FAM83B: variants seen among roughly 807,000 people sequenced by gnomAD.
The protein encoded by FAM83B is protein FAM83B.
In FAM83B, 26 loss-of-function variants were observed where a neutral mutation model predicts 38.8. The ratio of observed to expected loss-of-function variants is 0.67; its 90% CI spans 0.49 to 0.93. The LOEUF (loss-of-function observed/expected upper bound fraction) is 0.93. FAM83B is among the 40% of genes least tolerant of loss of function. FAM83B has a pLI of 0.00. For synonymous variants in FAM83B, 419 were observed against 423.1 expected, an observed-to-expected ratio of 0.99 and a Z score of 0.12; for missense variants, 1,237 against 1,197.3, an observed-to-expected ratio of 1.03 and a Z score of -0.49.
chr6:54,939,589 T>G (rs1224202202), intron 4 of FAM83B, 117 bp from the exon 5 acceptor site: 1 of 942,928 alleles, frequency 1.1e-6, no homozygotes, highest in Non-Finnish European at 1.5e-6. Flanking sequence ...ATATTCTAAA[T>G]AATGATAGCC....
At chr6:54,862,111 G>T (rs111542911) in intron 1 of FAM83B, among the ~76,000 whole-genome samples, 6 of 152,156 alleles carry the variant, frequency 3.9e-5, no homozygotes, top group Admixed American at 3.9e-4. Flanking sequence ...TATTCCAGCC[G>T]TTGTACTCAG....
chr6:54,929,971 G>A (rs543219888), intron 4 of FAM83B, among the ~76,000 whole-genome samples: 3 of 152,104 alleles, frequency 2.0e-5, no homozygotes, highest in African/African-American at 4.8e-5. Context: ...AATTCTTTTA[G>A]TTGGTTCTTC....
rs373963057 is a variant in FAM83B, at chr6:54,940,160, G to C, written c.1189G>C (p.Val397Leu). 1.2e-6 allele frequency: 2 copies of C among 1,614,018 alleles called. No individual in the cohort carries two copies. The highest frequency in any genetic ancestry group is 1.7e-5 in the Admixed American group (1 of 59,968). Residue 397 changes from valine (V) to leucine (L), a missense_variant, in exon 5 of 5, where the codon GTG (valine) becomes CTG (leucine). By Grantham distance (32) the Val-to-Leu change is conservative (BLOSUM62 1). Transcript: ENST00000306858. ...HSYAGEQPET[V>L]PYLLLNRALN... Reference sequence around the variant, plus strand: ...TTATGCTGGGGAACAGCCAGAAACAGTGCCATACCTCCTGCTTAATAGGGC... The same window carrying C: ...TTATGCTGGGGAACAGCCAGAAACACTGCCATACCTCCTGCTTAATAGGGC...
At chr6:54,907,823 A>G (rs977472124) in intron 2 of FAM83B, among the ~76,000 whole-genome samples, 5 of 152,124 alleles carry the variant, frequency 3.3e-5, no homozygotes, top group South Asian at 4.1e-4. Context: ...TCTAAAGCTA[A>G]TACATTTTTT....
At chr6:54,908,355 T>G (rs1448082632) in intron 2 of FAM83B, among the ~76,000 whole-genome samples, 1 of 152,076 alleles carries the variant, frequency 6.6e-6, no homozygotes, top group Non-Finnish European at 1.5e-5. Flanking sequence ...TAGATAGGGT[T>G]CTTTCATTTT....
rs192410779 is a variant in FAM83B at position 54,876,173 on chromosome 6, A to T, written c.444+5483A>T. On this transcript the variant is annotated intron_variant, in intron 2 of 4. Transcript: ENST00000306858. The stretch of plus-strand genomic sequence containing the variant: ...TTAAAAAGAAAAAATACAGTTACTT[A>T]TGGGTGTCAGTAAGTTTATCAGAGT... Among the ~76,000 whole-genome samples the T allele has an allele frequency of 4.0e-5, 6 of 151,674 alleles. No homozygotes were observed. In the South Asian group the frequency reaches 1.0e-3, roughly 26 times the overall value.
chr6:54,874,805 T>C (rs1414049943), intron 2 of FAM83B, among the ~76,000 whole-genome samples: 2 of 152,168 alleles, frequency 1.3e-5, no homozygotes, highest in Non-Finnish European at 2.9e-5. Flanking sequence ...AAAAGTCTAG[T>C]GAGAATTAGG....
chr6:54,893,793 C>T (rs926341830), intron 2 of FAM83B, among the ~76,000 whole-genome samples: 6 of 152,058 alleles, frequency 3.9e-5, no homozygotes, highest in Non-Finnish European at 5.9e-5. Flanking sequence ...CAAGGAGTTT[C>T]CTTTGATAAT....
At chr6:54,939,631 G>T in intron 4 of FAM83B, 75 bp from the exon 5 acceptor site, 1 of 1,341,876 alleles carries the variant, frequency 7.5e-7, no homozygotes, top group Non-Finnish European at 1.0e-6. Context: ...GTCATTAAGT[G>T]ATACTTTTTT....
At chr6:54,865,934 A>G (rs942392296) in intron 1 of FAM83B, among the ~76,000 whole-genome samples, 1 of 150,198 alleles carries the variant, frequency 6.7e-6, no homozygotes, top group Admixed American at 6.7e-5. Flanking sequence ...TATAGTAATT[A>G]TACTATAGCA....
At chr6:54,850,637 C>T (rs1581875214) in intron 1 of FAM83B, among the ~76,000 whole-genome samples, 5 of 152,272 alleles carry the variant, frequency 3.3e-5, no homozygotes, top group Admixed American at 3.3e-4. Context: ...TTTATATATA[C>T]ACACTGGCAA....
intron 2 of FAM83B, among the ~76,000 whole-genome samples, chr6:54,913,322 T>G (rs1248086655): frequency 6.6e-6 from 1 of 152,140 alleles, no homozygotes; most frequent in African/African-American, 2.4e-5. Flanking sequence ...GTCACCAACA[T>G]TTTTATTCAT....
intron 2 of FAM83B, among the ~76,000 whole-genome samples, chr6:54,874,827 C>T (rs1771953348): frequency 6.6e-6 from 1 of 152,114 alleles, no homozygotes; most frequent in African/African-American, 2.4e-5. Flanking sequence ...CAGAGTAATT[C>T]CTGATGCGCT....
rs1299927015 is a variant in FAM83B at position 54,927,594 on chromosome 6, G to A, written c.696G>A (p.Leu232=). The change falls in exon 4 of 5, where the codon TTG becomes TTA. Residue 232 remains leucine, a synonymous_variant. Transcript: ENST00000306858. ...ATGGAAAAATGGAACAGAAATTTTT[G>A]TTAGTTGACTGCCAGAAAGTGATGT... ...KFHGKMEQKF[L]LVDCQKVMYG... 3.1e-6 allele frequency: 5 copies of A among 1,607,728 alleles called. No individual in the cohort carries two copies. Among genetic ancestry groups the A allele is most frequent in the Non-Finnish European group, 4.3e-6 (5 of 1,176,306 alleles).
chr6:54,904,315 C>T (rs1389057254), intron 2 of FAM83B, among the ~76,000 whole-genome samples: 1 of 152,160 alleles, frequency 6.6e-6, no homozygotes. Context: ...TCTTCAAAAG[C>T]AGCCAGTAGC....
At chr6:54,916,151 ACTC>A (rs1479585394) in intron 2 of FAM83B, among the ~76,000 whole-genome samples, 4 of 151,228 alleles carry the variant, frequency 2.6e-5, no homozygotes, top group Non-Finnish European at 5.9e-5. Context: ...TATTCCCCAA[ACTC>A]CTCTTCATGC....
At chr6:54,897,745 C>T (rs538169546) in intron 2 of FAM83B, among the ~76,000 whole-genome samples, 3 of 152,262 alleles carry the variant, frequency 2.0e-5, no homozygotes, top group South Asian at 4.1e-4. Flanking sequence ...AAATAACTCA[C>T]ATGCAAGTTC....
chr6:54,897,188 T>C (rs938545923), intron 2 of FAM83B, among the ~76,000 whole-genome samples: 2 of 151,274 alleles, frequency 1.3e-5, no homozygotes, highest in Non-Finnish European at 2.9e-5. Context: ...CAGCTAATAC[T>C]GCTGCTACAC....
intron 2 of FAM83B, among the ~76,000 whole-genome samples, chr6:54,901,174 A>G (rs922045185): frequency 2.0e-5 from 3 of 152,200 alleles, no homozygotes; most frequent in African/African-American, 7.2e-5. Context: ...TCAGAACACA[A>G]TTTATATTGA....
Sources: gnomAD v4.1 joint callset for allele counts (sites outside exome capture counted in the v4.1 genomes callset) on GRCh38, gnomAD v4.1.1 for gene constraint, MANE v1.5 for transcripts, NCBI Gene and HGNC (gene_info 2026-07-23, HGNC 2026-07-21) for gene names.